NCAM2: variants seen among roughly 807,000 people sequenced by gnomAD.
NCAM2 encodes neural cell adhesion molecule 2, also known as N-CAM-2.
A neutral mutation model predicts 98.1 loss-of-function variants in NCAM2; 30 were observed. That is an observed-to-expected ratio of 0.31 (90% CI 0.23 to 0.41). The LOEUF (loss-of-function observed/expected upper bound fraction) is 0.41. Ranked by LOEUF, NCAM2 falls within the 10% of genes least tolerant of loss-of-function variation. The pLI, the probability that NCAM2 is intolerant of heterozygous loss-of-function variation, is 1.00. For synonymous variants in NCAM2, 368 were observed against 342.4 expected (o/e 1.07, Z -0.83); for missense variants, 867 against 1,005.8 (o/e 0.86, Z 1.87).
intron 1 of NCAM2, among the ~76,000 whole-genome samples, chr21:21,048,878 T>G (rs1376847939): frequency 6.6e-6 from 1 of 152,178 alleles, no homozygotes; most frequent in Non-Finnish European, 1.5e-5. Context: ...CATTCTTCTT[T>G]GTTGGGTTTA....
At chr21:21,433,372 T>A (rs1610115) in intron 12 of NCAM2, among the ~76,000 whole-genome samples, 19,931 of 152,082 alleles carry the variant, frequency 0.13, 1,367 homozygotes, top group South Asian at 0.17. Context: ...GACTATAGTT[T>A]TTTTTTAAAA....
intron 16 of NCAM2, among the ~76,000 whole-genome samples, chr21:21,532,447 G>T (rs1197157352): frequency 6.6e-6 from 1 of 151,842 alleles, no homozygotes; most frequent in Non-Finnish European, 1.5e-5. Context: ...GAATTGTAAA[G>T]GCTACTAACT....
intron 1 of NCAM2, among the ~76,000 whole-genome samples, chr21:21,249,444 G>A (rs2071398802): frequency 1.3e-5 from 2 of 152,094 alleles, no homozygotes; most frequent in East Asian, 1.9e-4. Flanking sequence ...ACCCAACCAG[G>A]GCAGTTAGTT....
intron 8 of NCAM2, among the ~76,000 whole-genome samples, chr21:21,354,035 G>C (rs2075407656): frequency 6.6e-6 from 1 of 151,974 alleles, no homozygotes; most frequent in Admixed American, 6.6e-5. Context: ...TTTGCCTCTA[G>C]AATTCTTACA....
chr21:21,317,736 T>C (rs532793553), intron 5 of NCAM2, among the ~76,000 whole-genome samples: 1 of 152,128 alleles, frequency 6.6e-6, no homozygotes, highest in East Asian at 1.9e-4. Context: ...GCTCTCATTA[T>C]GTTTCTCAGG....
intron 15 of NCAM2, among the ~76,000 whole-genome samples, chr21:21,486,070 G>T (rs907652300): frequency 6.6e-6 from 1 of 151,976 alleles, no homozygotes; most frequent in African/African-American, 2.4e-5. Flanking sequence ...TTGGGAGGCC[G>T]AGGCAGGTGG....
chr21:21,522,082 G>T (rs989067830), intron 16 of NCAM2, among the ~76,000 whole-genome samples: 1 of 146,978 alleles, frequency 6.8e-6, no homozygotes, highest in Non-Finnish European at 1.5e-5. Flanking sequence ...TTTTATATAT[G>T]AATCCATATA....
chr21:21,453,631 C>T (rs895306424), intron 12 of NCAM2, among the ~76,000 whole-genome samples: 22 of 152,176 alleles, frequency 1.4e-4, no homozygotes, highest in African/African-American at 5.1e-4. Flanking sequence ...TCCTTTACCA[C>T]ATGAAGCAAA....
intron 8 of NCAM2, among the ~76,000 whole-genome samples, chr21:21,358,477 C>T (rs1173832252): frequency 6.6e-6 from 1 of 152,028 alleles, no homozygotes; most frequent in Non-Finnish European, 1.5e-5. Context: ...GACACACACA[C>T]ATACACTCAA....
chr21:21,128,220 A>G (rs866493706), intron 1 of NCAM2, among the ~76,000 whole-genome samples: 1 of 145,872 alleles, frequency 6.9e-6, no homozygotes, highest in African/African-American at 2.5e-5. Context: ...AAGAACAAAT[A>G]TAGAGTGAAT....
At chr21:21,465,844 G>A (rs1427960543) in intron 12 of NCAM2, among the ~76,000 whole-genome samples, 1 of 151,942 alleles carries the variant, frequency 6.6e-6, no homozygotes, top group Non-Finnish European at 1.5e-5. Context: ...AATTCTGGTG[G>A]CTCCATCAGA....
rs1413370522 is a variant in NCAM2, at chr21:21,541,709, T to C, written c.*3752T>C. On this transcript the variant is annotated 3_prime_UTR_variant, in exon 18 of 18. Transcript: ENST00000400546. ...AGTTCAAGAAGTAGAAATAATATTT[T>C]CCATTAGTTAATTTAGGAAATATTG... 14 of 151,796 alleles carry C rather than the reference T, an allele frequency of 9.2e-5. No individual in the cohort carries two copies. The allele number at this position is 151,796 out of a possible 1,614,324, so 9.4% of individuals were successfully genotyped here.
At chr21:21,058,046 C>T (rs1232760264) in intron 1 of NCAM2, among the ~76,000 whole-genome samples, 2 of 151,150 alleles carry the variant, frequency 1.3e-5, no homozygotes, top group Non-Finnish European at 2.9e-5. Flanking sequence ...TAATCAACAG[C>T]CATCTGCTCC....
intron 12 of NCAM2, among the ~76,000 whole-genome samples, chr21:21,455,909 A>G (rs961178840): frequency 1.3e-5 from 2 of 152,092 alleles, no homozygotes; most frequent in African/African-American, 2.4e-5. Context: ...TTAACTATAT[A>G]GAAGAATGGC....
intron 11 of NCAM2, among the ~76,000 whole-genome samples, chr21:21,428,220 G>A (rs143772881): frequency 6.6e-6 from 1 of 152,046 alleles, no homozygotes; most frequent in East Asian, 1.9e-4. Flanking sequence ...TCAATTTTTG[G>A]GATATAAGAC....
At chr21:21,145,164 A>G (rs1346376223) in intron 1 of NCAM2, among the ~76,000 whole-genome samples, 1 of 152,096 alleles carries the variant, frequency 6.6e-6, no homozygotes, top group Non-Finnish European at 1.5e-5. Flanking sequence ...AAACAAGAAA[A>G]CCTCTGACAA....
intron 1 of NCAM2, among the ~76,000 whole-genome samples, chr21:21,215,816 G>A (rs148033110): frequency 1.2e-3 from 181 of 152,212 alleles, no homozygotes; most frequent in African/African-American, 4.1e-3. Context: ...GTGTTGTAAG[G>A]TGTTTGATGA....
At chr21:21,248,970 T>G (rs2071385406) in intron 1 of NCAM2, among the ~76,000 whole-genome samples, 1 of 152,094 alleles carries the variant, frequency 6.6e-6, no homozygotes, top group Non-Finnish European at 1.5e-5. Context: ...TCTGCTGAAT[T>G]GTTTGACTGC....
chr21:21,396,338 C>CA (rs888370935), intron 9 of NCAM2, among the ~76,000 whole-genome samples: 2 of 151,908 alleles, frequency 1.3e-5, no homozygotes, highest in Non-Finnish European at 2.9e-5. Context: ...TGGCCATAAT[C>CA]AAAAAAATAA....
Sources: allele counts gnomAD v4.1 joint callset (sites outside exome capture counted in the v4.1 genomes callset), GRCh38; gene constraint gnomAD v4.1.1; transcripts MANE v1.5; gene names NCBI Gene and HGNC (gene_info 2026-07-23, HGNC 2026-07-21).